Variants in MTA2 observed in about 807,000 individuals in gnomAD.
MTA2 encodes metastasis associated 1 family member 2, also known as metastasis-associated protein MTA2.
A neutral mutation model predicts 87.1 loss-of-function variants in MTA2; 22 were observed. The ratio of observed to expected loss-of-function variants is 0.25; its 90% CI spans 0.18 to 0.36. The LOEUF is 0.36. Among genes scored for constraint, MTA2 ranks in the 10% least tolerant of loss-of-function variants. The pLI is 1.00. For missense variants in MTA2, 542 were observed against 853.2 expected, an observed-to-expected ratio of 0.64 and a Z score of 4.54; for synonymous variants, 314 against 310.1, an observed-to-expected ratio of 1.01 and a Z score of -0.13.
intron 3 of MTA2, among the ~76,000 whole-genome samples, chr11:62,599,910 C>T (rs568040417): frequency 2.0e-5 from 3 of 152,330 alleles, no homozygotes; most frequent in Middle Eastern, 3.4e-3. Context: ...CTCTAAAGCT[C>T]GTCCTCATAC....
chr11:62,600,116 C>T (rs373180673), intron 3 of MTA2, 50 bp downstream of exon 3: 2 of 1,534,766 alleles, frequency 1.3e-6, no homozygotes, highest in Admixed American at 1.7e-5. Flanking sequence ...GGGACATGCC[C>T]AGGCCTCAGA....
Position 62,593,722 on chromosome 11 carries a change from C to A in MTA2, c.*153G>T, listed in dbSNP as rs1942055566. 1.1e-6 allele frequency: 1 copy of A among 912,344 alleles called. No homozygotes were observed. The allele number at this position is 912,344 out of a possible 1,614,324, so 56.5% of individuals were successfully genotyped here. On this transcript the variant is annotated 3_prime_UTR_variant, in exon 18 of 18. Coordinates refer to ENST00000278823, the MANE Select transcript of MTA2 (RefSeq NM_004739.4). ...TGAGACAAGTCTCGAGGTGGTAACA[C>A]CAGAGGGCGCCCAACCCCTCCAGGG...
intron 7 of MTA2, 52 bp from the exon 8 acceptor site, chr11:62,597,467 T>A: frequency 6.4e-7 from 1 of 1,566,172 alleles, no homozygotes; most frequent in Non-Finnish European, 8.7e-7. Flanking sequence ...AAAGCCCAAG[T>A]GGGCTGGGAA....
chr11:62,597,758 A>G, intron 6 of MTA2, 46 bp from the exon 7 acceptor site: 6 of 1,506,182 alleles, frequency 4.0e-6, no homozygotes, highest in Non-Finnish European at 5.5e-6. Flanking sequence ...GCAGGGGGGA[A>G]CAGTTGGTGT....
rs1283817729 is a variant in MTA2 at position 62,600,659 on chromosome 11, T to C, written c.59A>G (p.Asn20Ser). 5.0e-6 allele frequency: 8 copies of C among 1,613,786 alleles called. No homozygotes were observed. The highest frequency in any genetic ancestry group is 1.7e-5 in the Admixed American group (1 of 59,978). ...CTCAATCCGTCTAACCAGGTAAGGA[T>C]TGCTGGAAGAGTTCTCAAAATAGAC... The part of the protein sequence containing the change: ...DYVYFENSSS[N>S]PYLVRRIEEL... The change falls in exon 2 of 18, where the codon AAT (asparagine) becomes AGT (serine). Residue 20 changes from asparagine to serine, a missense_variant. Physicochemically the swap from Asn to Ser is conservative, Grantham distance 46. Transcript: ENST00000278823.
Position 62,601,842 on chromosome 11 carries a change from C to G in MTA2, c.-392G>C. ...TCGCCTCCTTCCGGAACACCTTCGGCCGATCCGGAGAACAAGGCCCACTGC... is the reference window on the plus strand; with the variant it reads ...TCGCCTCCTTCCGGAACACCTTCGGGCGATCCGGAGAACAAGGCCCACTGC... On this transcript the variant is annotated 5_prime_UTR_variant, in exon 1 of 18. Transcript: ENST00000278823. 1 of 497,442 alleles carries G rather than the reference C, an allele frequency of 2.0e-6. No individual in the cohort carries two copies. The highest frequency in any genetic ancestry group is 3.5e-6 in the Non-Finnish European group (1 of 285,436). The allele number at this position is 497,442 out of a possible 1,614,324, so 30.8% of individuals were successfully genotyped here. A position where few individuals can be genotyped will look rare whatever the true frequency, so the allele number is the denominator to read the frequency against.
intron 7 of MTA2, 59 bp downstream of exon 7, chr11:62,597,551 G>A: frequency 1.3e-6 from 2 of 1,524,378 alleles, no homozygotes; most frequent in Non-Finnish European, 1.8e-6. Flanking sequence ...AGAACCATGG[G>A]ACTCAGAACA....
At position 62,595,122 on chromosome 11, in the gene MTA2, C is replaced by G; in HGVS notation, c.1484-52G>C. The stretch of plus-strand genomic sequence containing the variant: ...AAGGGCTTCACCATTCAGGTCTCCT[C>G]TAAGGCCAGAAGCCAACTCTAATCT... On this transcript the variant is annotated intron_variant, in intron 14 of 17. Transcript: ENST00000278823. The surrounding 1 kb of genome is among the most constrained non-coding windows in gnomAD (Gnocchi z 4.9). 1 of 1,587,592 alleles carries G rather than the reference C, an allele frequency of 6.3e-7. No homozygotes were observed. The highest frequency in any genetic ancestry group is 1.1e-5 in the South Asian group (1 of 89,620).
At chr11:62,600,016 T>TA in intron 3 of MTA2, 150 bp downstream of exon 3, 1 of 653,602 alleles carries the variant, frequency 1.5e-6, no homozygotes. Context: ...CCCCAACATG[T>TA]AAAAACAGGC....
At chr11:62,594,179 C>T in intron 17 of MTA2, 80 bp downstream of exon 17, 2 of 1,583,888 alleles carry the variant, frequency 1.3e-6, no homozygotes, top group South Asian at 2.3e-5. Flanking sequence ...TTTCCTGGAG[C>T]TCTTGCTCTG....
chr11:62,598,892 A>G (rs1365610879), intron 3 of MTA2, among the ~76,000 whole-genome samples: 1 of 152,106 alleles, frequency 6.6e-6, no homozygotes, highest in East Asian at 1.9e-4. Context: ...CTAGAAATAC[A>G]TCGCTACCCA....
rs751343043 is a variant in MTA2, at chr11:62,597,310, G to A, written c.693+6C>T. 9.4e-6 allele frequency: 15 copies of A among 1,590,418 alleles called. No individual in the cohort carries two copies. The Admixed American group carries it at 2.7e-4, about 28-fold the overall frequency. On this transcript the variant is annotated splice_donor_region_variant and intron_variant, in intron 8 of 17. Transcript: ENST00000278823. ...CCTGCCCAACTACCCACCAACTTCT[G>A]CTCACCAGAGTGATATCTCGGGAGG... is the stretch of plus-strand genomic sequence containing the variant.
At position 62,593,439 on chromosome 11, in the gene MTA2, GAAAAAAAAAAAAAAAAA is replaced by G. The variant is rs769531642; in HGVS notation, c.*419_*435del. ...GACAGAAAGAGAAACCCCCAATTAGGAAAAAAAAAAAAAAAAAAAAAAAAAAAGACATGGCAGTGCAC... is the reference window on the plus strand; with the variant it reads ...GACAGAAAGAGAAACCCCCAATTAGGAAAAAAAAAAGACATGGCAGTGCAC... On this transcript the variant is annotated 3_prime_UTR_variant, in exon 18 of 18. Coordinates refer to ENST00000278823, the MANE Select transcript of MTA2 (RefSeq NM_004739.4). The G allele has an allele frequency of 8.6e-5, 2 of 23,258 alleles. No individual in the cohort carries two copies. Among genetic ancestry groups the G allele is most frequent in the African/African-American group, 1.7e-4 (1 of 5,812 alleles). The allele number at this position is 23,258 out of a possible 1,614,324, so 1.4% of individuals were successfully genotyped here.
In MTA2 at chr11:62,596,071, A is replaced by G. The variant is rs776499873; in HGVS notation, c.1053T>C (p.Gly351=). 39 of 1,614,002 alleles carry G rather than the reference A, an allele frequency of 2.4e-5. No homozygotes were observed. The South Asian group carries it at 4.1e-4, about 17-fold the overall frequency. ...KPNPNQIISV[G]SKPGMNGAGF... ...CAGCCCCATTCATGCCAGGTTTTGA[A>G]CCCACAGAAATGATCTGGTTAGGGT... The change falls in exon 12 of 18, where the codon GGT becomes GGC. Residue 351 remains glycine (G), a synonymous_variant. Transcript: ENST00000278823.
chr11:62,594,072 A>T (rs1942063147), intron 17 of MTA2, 32 bp from the exon 18 acceptor site: 1 of 1,564,594 alleles, frequency 6.4e-7, no homozygotes, highest in South Asian at 1.2e-5. Flanking sequence ...GAAACAGAAA[A>T]GGCTTAGAGA....
rs1286875806 is a variant in MTA2, at chr11:62,594,013, C to T, written c.1869G>A (p.Leu623=). The T allele has an allele frequency of 6.2e-7, 1 of 1,610,656 alleles. No homozygotes were observed. Among genetic ancestry groups the T allele is most frequent in the African/African-American group, 1.3e-5 (1 of 74,920 alleles). Residue 623 remains leucine (L), a synonymous_variant, in exon 18 of 18, where the codon CTG becomes CTA. Coordinates refer to ENST00000278823, the MANE Select transcript of MTA2 (RefSeq NM_004739.4). ...GTCGGCGAGCAGCTCGCCGCATTTC[C>T]AGATGGGTCAGAGCCTTCCGTAGGG... ...TRALRKALTH[L]EMRRAARRPN...
rs1942086694 is a variant in MTA2, at chr11:62,595,529, T to G, written c.1255-37A>C. The G allele has an allele frequency of 1.9e-6, 3 of 1,606,216 alleles. No homozygotes were observed. The South Asian group carries it at 3.3e-5, about 18-fold the overall frequency. Reference sequence around the variant, plus strand: ...GCATAGGAAAGAGAGAGAGCAGAAATCAGCACTGAGGCTCCCTTCTTTCTT... The same window carrying G: ...GCATAGGAAAGAGAGAGAGCAGAAAGCAGCACTGAGGCTCCCTTCTTTCTT... On this transcript the variant is annotated intron_variant, in intron 13 of 17. Transcript: ENST00000278823. This position sits in a 1 kb window ranked among gnomAD's most constrained non-coding sequence, Gnocchi z 4.9.
At position 62,593,642 on chromosome 11, in the gene MTA2, T is replaced by C; in HGVS notation, c.*233A>G. ...GTCCTACCCCCCAAAACAGGCTAGG[T>C]TCCCACATGGGCCAAGTTCCTGCAG... On this transcript the variant is annotated 3_prime_UTR_variant, in exon 18 of 18. Coordinates refer to ENST00000278823, the MANE Select transcript of MTA2 (RefSeq NM_004739.4). 1.9e-6 allele frequency: 1 copy of C among 514,562 alleles called. No homozygotes were observed. Among genetic ancestry groups the C allele is most frequent in the Non-Finnish European group, 3.4e-6 (1 of 290,074 alleles). 31.9% of individuals were successfully genotyped at this position (514,562 alleles called of 1,614,324 possible).
chr11:62,601,512 C>T lies in MTA2; in HGVS notation c.-62G>A. The T allele has an allele frequency of 1.3e-6, 2 of 1,568,726 alleles. No individual in the cohort carries two copies. The highest frequency in any genetic ancestry group is 2.3e-5 in the South Asian group (2 of 85,614). ...GTCCGGGAGGCTCGCGGGGGCAGGG[C>T]TCGGCTCGAGGCAAAGCCCCGAACG... On this transcript the variant is annotated 5_prime_UTR_variant, in exon 1 of 18. Coordinates refer to ENST00000278823, the MANE Select transcript of MTA2 (RefSeq NM_004739.4).
Sources: allele counts gnomAD v4.1 joint callset (sites outside exome capture counted in the v4.1 genomes callset), GRCh38; gene constraint gnomAD v4.1.1; non-coding constraint Gnocchi (gnomAD v3.1); transcripts MANE v1.5; gene names NCBI Gene and HGNC (gene_info 2026-07-23, HGNC 2026-07-21).